Variants in FRMD4A observed in about 807,000 individuals in gnomAD.
FRMD4A encodes FERM domain-containing protein 4A.
In FRMD4A, 29 loss-of-function variants were observed where a neutral mutation model predicts 129.1. The observed-to-expected ratio is 0.22, with a 90% CI of 0.17 to 0.31. The LOEUF (loss-of-function observed/expected upper bound fraction) is 0.31. FRMD4A is among the 10% of genes least tolerant of loss of function. The pLI, the probability that FRMD4A is intolerant of heterozygous loss-of-function variation, is 1.00. For synonymous variants in FRMD4A, 634 were observed against 571.6 expected (o/e 1.11, Z -1.56); for missense variants, 1,272 against 1,375.8 (o/e 0.92, Z 1.19).
chr10:13,679,297 G>A (rs1474904601), intron 15 of FRMD4A, among the ~76,000 whole-genome samples: 2 of 149,420 alleles, frequency 1.3e-5, no homozygotes, highest in African/African-American at 2.5e-5. Context: ...GCATGGAGGT[G>A]GGCACCTGTA....
intron 9 of FRMD4A, 63 bp downstream of exon 9, chr10:13,747,673 T>C: frequency 1.2e-6 from 1 of 857,736 alleles, no homozygotes; most frequent in South Asian, 1.3e-5. Flanking sequence ...TACATTCAGT[T>C]GTCCTGTGTC....
intron 4 of FRMD4A, among the ~76,000 whole-genome samples, chr10:13,805,393 T>C (rs986311132): frequency 6.6e-6 from 1 of 151,992 alleles, no homozygotes; most frequent in Non-Finnish European, 1.5e-5. Flanking sequence ...TTTCTTTTCT[T>C]TCTTCCTCAT....
chr10:13,797,597 G>C (rs535721698), intron 4 of FRMD4A, among the ~76,000 whole-genome samples: 75 of 152,258 alleles, frequency 4.9e-4, no homozygotes, highest in African/African-American at 1.6e-3. Flanking sequence ...CCAAGCTGAA[G>C]AATCCTCTCT....
At chr10:14,176,028 T>C (rs1564364769) in intron 2 of FRMD4A, among the ~76,000 whole-genome samples, 1 of 152,198 alleles carries the variant, frequency 6.6e-6, no homozygotes, top group South Asian at 2.1e-4. Context: ...ATTTCTTGGG[T>C]ATTGACTTAA....
At chr10:14,252,321 T>C (rs1844466826) in intron 2 of FRMD4A, among the ~76,000 whole-genome samples, 1 of 152,252 alleles carries the variant, frequency 6.6e-6, no homozygotes, top group African/African-American at 2.4e-5. Context: ...TCATCTAATC[T>C]ACATATCTTG....
At chr10:14,072,922 G>T (rs1331880168) in intron 2 of FRMD4A, among the ~76,000 whole-genome samples, 1 of 152,142 alleles carries the variant, frequency 6.6e-6, no homozygotes, top group Admixed American at 6.5e-5. Context: ...TTTAACAAAA[G>T]TCTTGGTCAA....
intron 17 of FRMD4A, among the ~76,000 whole-genome samples, chr10:13,666,911 C>CTTTTTTTTTTTTTT (rs10546068): frequency 1.1e-4 from 13 of 114,388 alleles, no homozygotes; most frequent in South Asian, 3.0e-4. Context: ...CTTTTCTTTT[C>CTTTTTTTTTTTTTT]TTTTTTTTTT....
chr10:14,242,722 T>C (rs533551490), intron 2 of FRMD4A, among the ~76,000 whole-genome samples: 1 of 152,290 alleles, frequency 6.6e-6, no homozygotes, highest in East Asian at 1.9e-4. Context: ...ACGAAACAAC[T>C]AATACTCCAA....
chr10:13,861,512 C>G (rs190909196), intron 2 of FRMD4A, among the ~76,000 whole-genome samples: 2 of 152,162 alleles, frequency 1.3e-5, no homozygotes, highest in African/African-American at 2.4e-5. Flanking sequence ...GACTTAGCAG[C>G]CCCCAGCTCT....
intron 16 of FRMD4A, 119 bp downstream of exon 16, chr10:13,674,792 C>G: frequency 8.7e-6 from 10 of 1,147,482 alleles, no homozygotes; most frequent in Non-Finnish European, 1.3e-5. Flanking sequence ...CCCTTGCCTT[C>G]TGTCAAAACG....
At chr10:13,688,409 G>A (rs546388432) in intron 15 of FRMD4A, among the ~76,000 whole-genome samples, 1 of 152,086 alleles carries the variant, frequency 6.6e-6, no homozygotes, top group Admixed American at 6.5e-5. Context: ...TGGGGGACAG[G>A]GGGAGGGATA....
intron 2 of FRMD4A, among the ~76,000 whole-genome samples, chr10:14,142,436 T>G (rs1272348579): frequency 1.3e-5 from 2 of 152,230 alleles, no homozygotes; most frequent in African/African-American, 4.8e-5. Flanking sequence ...AAAGTCTGAC[T>G]ACTGTCAAAA....
At chr10:13,987,335 T>G (rs969672536) in intron 2 of FRMD4A, among the ~76,000 whole-genome samples, 3 of 152,040 alleles carry the variant, frequency 2.0e-5, no homozygotes, top group African/African-American at 7.2e-5. Context: ...TCCACCCAAC[T>G]TTTTCCCACC....
intron 2 of FRMD4A, among the ~76,000 whole-genome samples, chr10:13,860,476 A>C (rs779963839): frequency 1.3e-5 from 2 of 152,208 alleles, no homozygotes; most frequent in Non-Finnish European, 2.9e-5. Context: ...ATGACACATA[A>C]GTTTCCTTCC....
intron 12 of FRMD4A, among the ~76,000 whole-genome samples, chr10:13,725,682 A>G (rs1482803286): frequency 1.3e-5 from 2 of 152,142 alleles, no homozygotes; most frequent in Non-Finnish European, 2.9e-5. Context: ...TGGCCTTCCC[A>G]GGGCCCTGTG....
At chr10:13,706,039 C>G (rs1467618947) in intron 13 of FRMD4A, among the ~76,000 whole-genome samples, 1 of 152,160 alleles carries the variant, frequency 6.6e-6, no homozygotes, top group East Asian at 1.9e-4. Context: ...CTGTCCAGAG[C>G]TCATGGGGAG....
At chr10:14,285,788 C>G (rs960581580) in intron 2 of FRMD4A, among the ~76,000 whole-genome samples, 1 of 152,200 alleles carries the variant, frequency 6.6e-6, no homozygotes, top group Non-Finnish European at 1.5e-5. Flanking sequence ...AGTAATTTAA[C>G]TCATGATCCG....
At chr10:14,204,410 A>G (rs1842723489) in intron 2 of FRMD4A, among the ~76,000 whole-genome samples, 1 of 152,002 alleles carries the variant, frequency 6.6e-6, no homozygotes, top group Non-Finnish European at 1.5e-5. Context: ...CCCGAATGAC[A>G]GTGAGACGCA....
chr10:13,993,606 T>A (rs1247743175), intron 2 of FRMD4A, among the ~76,000 whole-genome samples: 1 of 152,196 alleles, frequency 6.6e-6, no homozygotes, highest in Non-Finnish European at 1.5e-5. Context: ...ACACCATCAA[T>A]GGAGAATATC....
Sources: allele counts gnomAD v4.1 joint callset (sites outside exome capture counted in the v4.1 genomes callset), GRCh38; gene constraint gnomAD v4.1.1; transcripts MANE v1.5; gene names NCBI Gene and HGNC (gene_info 2026-07-23, HGNC 2026-07-21).